The following UGT1A8 variants were observed in gnomAD, a reference collection of about 807,000 sequenced individuals.
UGT1A8 encodes UDP-glucuronosyltransferase 1A8.
Under a neutral mutation model 45.3 loss-of-function variants are expected in UGT1A8, and 39 were observed. The ratio of observed to expected loss-of-function variants is 0.86; its 90% CI spans 0.67 to 1.12. UGT1A8 has a LOEUF of 1.12. Ranked by LOEUF, UGT1A8 falls within the 50% of genes most tolerant of loss-of-function variation. The pLI, the probability that UGT1A8 is intolerant of heterozygous loss-of-function variation, is 0.00. For synonymous variants in UGT1A8, 275 were observed against 249.2 expected (o/e 1.10, Z -0.97); for missense variants, 719 against 664.9 (o/e 1.08, Z -0.90).
At chr2:233,628,324 T>A (rs553295127) in intron 1 of UGT1A8, among the ~76,000 whole-genome samples, 466 of 141,122 alleles carry the variant, frequency 3.3e-3, no homozygotes, top group Non-Finnish European at 6.0e-3. Flanking sequence ...ATATATATAT[T>A]TTTTCAAACT....
In UGT1A8 at chr2:233,627,102, A is replaced by G. The variant is rs530524121; in HGVS notation, c.855+8540A>G. Among the ~76,000 whole-genome samples the G allele has an allele frequency of 2.6e-5, 4 of 152,190 alleles. No homozygotes were observed. In the East Asian group the frequency reaches 5.8e-4, roughly 22 times the overall value. The stretch of plus-strand genomic sequence containing the variant: ...TTACACAAAACAGTAGAGTTAGCCT[A>G]TCCCTTCCTGCCTTGCATTCTGGTG... On this transcript the variant is annotated intron_variant, in intron 1 of 4. Coordinates refer to ENST00000373450, the MANE Select transcript of UGT1A8 (RefSeq NM_019076.5).
rs3064744 is a variant in UGT1A8, at chr2:233,760,233, C to CAT, written c.856-6787_856-6786dup. 448,036 of 1,466,600 alleles carry CAT rather than the reference C, an allele frequency of 0.31. 31,217 individuals are homozygous for CAT. The highest frequency in any genetic ancestry group is 0.38 in the African/African-American group (27,001 of 71,942). The allele number at this position is 1,466,600 out of a possible 1,614,324, so 90.8% of individuals were successfully genotyped here. ...ACTTGGTGTATCGATTGGTTTTTGC[C>CAT]ATATATATATATATAAGTAGGAGAG... On this transcript the variant is annotated intron_variant, in intron 1 of 4. Coordinates refer to ENST00000373450, the MANE Select transcript of UGT1A8 (RefSeq NM_019076.5).
At chr2:233,639,318 C>G (rs995960728) in intron 1 of UGT1A8, among the ~76,000 whole-genome samples, 1 of 151,948 alleles carries the variant, frequency 6.6e-6, no homozygotes, top group Non-Finnish European at 1.5e-5. Flanking sequence ...TATGATTATA[C>G]CTGTAAAGGC....
intron 1 of UGT1A8, among the ~76,000 whole-genome samples, chr2:233,715,363 T>C (rs142199192): frequency 1.3e-5 from 2 of 150,268 alleles, no homozygotes; most frequent in African/African-American, 4.9e-5. Context: ...TTGAGACTTA[T>C]ATTTTCTTCA....
intron 1 of UGT1A8, among the ~76,000 whole-genome samples, chr2:233,751,937 A>C (rs539080816): frequency 5.9e-5 from 9 of 152,318 alleles, no homozygotes; most frequent in African/African-American, 1.9e-4. Context: ...GATTGAAGTT[A>C]TACTGAAAGG....
At chr2:233,768,984 TC>T (rs551747473) in intron 4 of UGT1A8, among the ~76,000 whole-genome samples, 141 of 152,252 alleles carry the variant, frequency 9.3e-4, no homozygotes, top group African/African-American at 3.3e-3. Context: ...GAATTTTATT[TC>T]CCCCATTAGA....
chr2:233,736,362 A>C (rs1213397450), intron 1 of UGT1A8, among the ~76,000 whole-genome samples: 1 of 152,180 alleles, frequency 6.6e-6, no homozygotes, highest in East Asian at 1.9e-4. Context: ...CAGCTCCATC[A>C]GGTCATTTAA....
At chr2:233,630,070 T>C (rs2741031) in intron 1 of UGT1A8, among the ~76,000 whole-genome samples, 119,041 of 151,902 alleles carry the variant, frequency 0.78, 46,755 homozygotes, top group African/African-American at 0.81. Context: ...TCTCAACAAA[T>C]CAGCTTTGGT....
chr2:233,621,415 G>T (rs2073004623), intron 1 of UGT1A8, among the ~76,000 whole-genome samples: 1 of 152,172 alleles, frequency 6.6e-6, no homozygotes, highest in Non-Finnish European at 1.5e-5. Context: ...GTTCAGCTCT[G>T]CAGACCTGGG....
chr2:233,653,221 G>A (rs1163570284), intron 1 of UGT1A8, among the ~76,000 whole-genome samples: 4 of 152,148 alleles, frequency 2.6e-5, no homozygotes, highest in East Asian at 1.9e-4. Context: ...ATCTGTTTAC[G>A]TTTTAAAAGG....
chr2:233,620,751 C>G (rs2072988396), intron 1 of UGT1A8, among the ~76,000 whole-genome samples: 1 of 152,156 alleles, frequency 6.6e-6, no homozygotes, highest in African/African-American at 2.4e-5. Context: ...GTCAAAGAGC[C>G]TTGGATATGG....
chr2:233,727,259 C>T (rs376711129), intron 1 of UGT1A8, among the ~76,000 whole-genome samples: 2 of 152,098 alleles, frequency 1.3e-5, no homozygotes, highest in African/African-American at 4.8e-5. Flanking sequence ...CAGCCCAGAC[C>T]CCTCCTCATC....
intron 1 of UGT1A8, among the ~76,000 whole-genome samples, chr2:233,628,363 A>G (rs987726270): frequency 1.3e-5 from 2 of 152,030 alleles, no homozygotes; most frequent in Admixed American, 6.6e-5. Flanking sequence ...TTTTTGCAAT[A>G]TATTTATTTT....
intron 1 of UGT1A8, among the ~76,000 whole-genome samples, chr2:233,730,211 C>G (rs186476397): frequency 6.6e-6 from 1 of 152,112 alleles, no homozygotes; most frequent in East Asian, 1.9e-4. Flanking sequence ...GAAGTAGACA[C>G]GAATGTTTGT....
chr2:233,739,318 A>G (rs1691049780), intron 1 of UGT1A8, among the ~76,000 whole-genome samples: 1 of 152,136 alleles, frequency 6.6e-6, no homozygotes, highest in African/African-American at 2.4e-5. Flanking sequence ...GAGTTGTGAG[A>G]AGAAGGCCAC....
At chr2:233,724,403 T>TG (rs2077252164) in intron 1 of UGT1A8, among the ~76,000 whole-genome samples, 1 of 115,960 alleles carries the variant, frequency 8.6e-6, no homozygotes, top group Non-Finnish European at 1.8e-5. Flanking sequence ...ACTTCCCAGA[T>TG]GGGGTGGCTG....
At chr2:233,697,058 G>T (rs1287604858) in intron 1 of UGT1A8, among the ~76,000 whole-genome samples, 1 of 151,826 alleles carries the variant, frequency 6.6e-6, no homozygotes, top group Non-Finnish European at 1.5e-5. Context: ...TTGTGTCCTT[G>T]TCTGGTTTTG....
intron 1 of UGT1A8, chr2:233,761,084 G>A: frequency 6.2e-7 from 1 of 1,614,126 alleles, no homozygotes; most frequent in Non-Finnish European, 8.5e-7. Context: ...GATTACCCTA[G>A]GCCCATCATG....
intron 1 of UGT1A8, among the ~76,000 whole-genome samples, chr2:233,706,345 A>G (rs2075904063): frequency 6.6e-6 from 1 of 152,210 alleles, no homozygotes. Flanking sequence ...TGACCCTGAA[A>G]AAACATTCTT....
Sources: gnomAD v4.1 joint callset for allele counts (sites outside exome capture counted in the v4.1 genomes callset) on GRCh38, gnomAD v4.1.1 for gene constraint, MANE v1.5 for transcripts, NCBI Gene and HGNC (gene_info 2026-07-23, HGNC 2026-07-21) for gene names.